MAPKAP1: variants seen among roughly 807,000 people sequenced by gnomAD.
MAPKAP1 encodes MAPK associated protein 1.
Under a neutral mutation model 65.7 loss-of-function variants are expected in MAPKAP1, and 20 were observed. That is an observed-to-expected ratio of 0.30 (90% confidence interval 0.21 to 0.44). MAPKAP1 has a LOEUF of 0.44. MAPKAP1 is among the 20% of genes least tolerant of loss of function. The pLI, the probability that MAPKAP1 is intolerant of heterozygous loss-of-function variation, is 1.00. For missense variants in MAPKAP1, 423 were observed against 648.0 expected (o/e 0.65, Z 3.77); for synonymous variants, 222 against 244.3 (o/e 0.91, Z 0.85).
At chr9:125,540,535 C>T (rs1264827287) in intron 7 of MAPKAP1, among the ~76,000 whole-genome samples, 2 of 152,182 alleles carry the variant, frequency 1.3e-5, no homozygotes, top group East Asian at 3.8e-4. Context: ...TCTTCACTGA[C>T]GTTCAGTAAG....
intron 7 of MAPKAP1, among the ~76,000 whole-genome samples, chr9:125,516,321 T>C (rs1013428422): frequency 1.3e-4 from 20 of 152,148 alleles, no homozygotes; most frequent in African/African-American, 4.6e-4. Context: ...ACTAGACCAT[T>C]AATGAAGGTG....
chr9:125,696,114 C>G (rs1175478921), intron 1 of MAPKAP1: 1 of 152,162 alleles, frequency 6.6e-6, no homozygotes, highest in African/African-American at 2.4e-5. Flanking sequence ...CTACTGCTAT[C>G]AGAAAAACTG....
At chr9:125,703,487 T>C (rs904289228) in intron 1 of MAPKAP1, among the ~76,000 whole-genome samples, 3 of 152,122 alleles carry the variant, frequency 2.0e-5, no homozygotes, top group African/African-American at 7.2e-5. Flanking sequence ...AAAAACGTAA[T>C]GTGGCCACGA....
At chr9:125,482,475 T>C (rs2133032817) in intron 9 of MAPKAP1, among the ~76,000 whole-genome samples, 1 of 152,278 alleles carries the variant, frequency 6.6e-6, no homozygotes, top group Middle Eastern at 3.4e-3. Context: ...AGGAAAAACA[T>C]CCCCAGGAGG....
Position 125,669,885 on chromosome 9 carries a change from T to C in MAPKAP1, c.282A>G (p.Arg94=). 1 of 1,597,382 alleles carries C rather than the reference T, an allele frequency of 6.3e-7. No individual in the cohort carries two copies. The highest frequency in any genetic ancestry group is 8.5e-7 in the Non-Finnish European group (1 of 1,170,156). ...SNTAQRLERL[R]KERQNQIKCK... ...ATTTGATCTGGTTTTGTCTCTCTTT[T>C]CGGAGTCGTTCTAATCTTTGAGCTT... Residue 94 remains arginine (R), a synonymous_variant, in exon 3 of 12, where the codon CGA becomes CGG. Transcript: ENST00000265960.
chr9:125,480,495 A>G (rs966765610), intron 9 of MAPKAP1, among the ~76,000 whole-genome samples: 14 of 152,154 alleles, frequency 9.2e-5, no homozygotes, highest in Non-Finnish European at 1.8e-4. Flanking sequence ...CATGACTGTC[A>G]TCATTCATGT....
chr9:125,582,052 T>A (rs977323642), intron 5 of MAPKAP1, among the ~76,000 whole-genome samples: 2 of 152,204 alleles, frequency 1.3e-5, no homozygotes, highest in African/African-American at 2.4e-5. Flanking sequence ...TACCTCTTTA[T>A]CTCTTTGTAC....
chr9:125,582,691 C>A (rs1222615941), intron 5 of MAPKAP1, among the ~76,000 whole-genome samples: 1 of 152,226 alleles, frequency 6.6e-6, no homozygotes, highest in African/African-American at 2.4e-5. Flanking sequence ...CCCAAGCAGC[C>A]TTGTTCAGCT....
chr9:125,520,477 T>C (rs572795156), intron 7 of MAPKAP1, among the ~76,000 whole-genome samples: 1 of 152,332 alleles, frequency 6.6e-6, no homozygotes, highest in South Asian at 2.1e-4. Flanking sequence ...TTGCTCATAC[T>C]AGTCCCTCAG....
At chr9:125,578,097 T>C (rs1831502549) in intron 5 of MAPKAP1, among the ~76,000 whole-genome samples, 1 of 152,144 alleles carries the variant, frequency 6.6e-6, no homozygotes. Flanking sequence ...AGAAAAATTC[T>C]TCTGCCTTGG....
At chr9:125,698,893 A>G (rs1213605141) in intron 1 of MAPKAP1, among the ~76,000 whole-genome samples, 1 of 152,200 alleles carries the variant, frequency 6.6e-6, no homozygotes, top group Non-Finnish European at 1.5e-5. Flanking sequence ...TACAAAACAC[A>G]ACAGAAATTA....
intron 1 of MAPKAP1, among the ~76,000 whole-genome samples, chr9:125,675,052 C>A (rs1411498472): frequency 6.6e-6 from 1 of 152,054 alleles, no homozygotes; most frequent in Admixed American, 6.6e-5. Flanking sequence ...ATGTATACAC[C>A]ACACATTTAT....
intron 8 of MAPKAP1, among the ~76,000 whole-genome samples, chr9:125,501,294 C>T (rs1218518904): frequency 6.6e-6 from 1 of 152,202 alleles, no homozygotes; most frequent in East Asian, 1.9e-4. Flanking sequence ...TGGGATTCAT[C>T]TATTTGTCTT....
intron 10 of MAPKAP1, among the ~76,000 whole-genome samples, chr9:125,461,842 G>T (rs1853508744): frequency 6.6e-6 from 1 of 152,162 alleles, no homozygotes; most frequent in Non-Finnish European, 1.5e-5. Flanking sequence ...CTGAGGAAGG[G>T]CTGTTGCCTT....
At chr9:125,482,131 T>TAAA (rs1554808939) in intron 9 of MAPKAP1, among the ~76,000 whole-genome samples, 4 of 99,086 alleles carry the variant, frequency 4.0e-5, no homozygotes, top group South Asian at 3.4e-4. Flanking sequence ...AAACTCTGTC[T>TAAA]AAAAAAAAAA....
intron 1 of MAPKAP1, among the ~76,000 whole-genome samples, chr9:125,684,801 C>T (rs1834927406): frequency 6.6e-6 from 1 of 152,152 alleles, no homozygotes; most frequent in Admixed American, 6.5e-5. Context: ...CCCAACTTGG[C>T]CTCTCAGGTA....
chr9:125,578,315 C>T lies in MAPKAP1; in HGVS notation c.671+7240G>A, dbSNP rs1423872804. ...CTGCGGAAGGCCGCAGGGTCCTCTG[C>T]CTAGGAAAACCAGAGACCTTTGTTC... is the stretch of plus-strand genomic sequence containing the variant. On this transcript the variant is annotated intron_variant, in intron 5 of 11. Transcript: ENST00000265960. 4.6e-5 allele frequency among the ~76,000 whole-genome samples: 7 copies of T among 152,046 alleles called. No individual in the cohort carries two copies. In the East Asian group the frequency reaches 1.3e-3, roughly 29 times the overall value.
At chr9:125,625,243 A>AAAAT (rs1564589475) in intron 4 of MAPKAP1, among the ~76,000 whole-genome samples, 6 of 101,118 alleles carry the variant, frequency 5.9e-5, no homozygotes, top group African/African-American at 1.9e-4. Context: ...CAATAAAAAA[A>AAAAT]AAATAAATAA....
intron 8 of MAPKAP1, among the ~76,000 whole-genome samples, chr9:125,494,223 C>T (rs1001135036): frequency 6.6e-6 from 1 of 152,132 alleles, no homozygotes; most frequent in African/African-American, 2.4e-5. Context: ...CTATTAAACA[C>T]TTCCCTTTGG....
Sources: allele counts gnomAD v4.1 joint callset (sites outside exome capture counted in the v4.1 genomes callset), GRCh38; gene constraint gnomAD v4.1.1; transcripts MANE v1.5; gene names NCBI Gene and HGNC (gene_info 2026-07-23, HGNC 2026-07-21).